Variants in MOV10L1 observed in about 807,000 individuals in gnomAD.
The protein encoded by MOV10L1 is RNA helicase Mov10l1.
A neutral mutation model predicts 143.8 loss-of-function variants in MOV10L1; 110 were observed. The ratio of observed to expected loss-of-function variants is 0.76; its 90% CI spans 0.66 to 0.90. MOV10L1 has a LOEUF of 0.90. MOV10L1 is among the 40% of genes least tolerant of loss of function. MOV10L1 has a pLI of 0.00. For synonymous variants in MOV10L1, 593 were observed against 581.1 expected (o/e 1.02, Z -0.29); for missense variants, 1,406 against 1,526.8 (o/e 0.92, Z 1.32).
chr22:50,108,568 T>A (rs1389867312), intron 4 of MOV10L1, 89 bp from the exon 5 acceptor site: 1 of 1,422,774 alleles, frequency 7.0e-7, no homozygotes, highest in African/African-American at 1.4e-5. Context: ...GCAGCTTGTG[T>A]GCTTTGGGCT....
At chr22:50,135,447 A>G (rs1318290283) in intron 15 of MOV10L1, among the ~76,000 whole-genome samples, 1 of 152,150 alleles carries the variant, frequency 6.6e-6, no homozygotes, top group Admixed American at 6.5e-5. Context: ...TGAATGTTGC[A>G]AAGATATTTT....
intron 15 of MOV10L1, 103 bp downstream of exon 15, chr22:50,134,733 G>A (rs2062774947): frequency 1.0e-6 from 1 of 968,648 alleles, no homozygotes; most frequent in Non-Finnish European, 1.6e-6. Context: ...TCTACACAGG[G>A]GATGGCTCAG....
chr22:50,119,177 A>C lies in MOV10L1; in HGVS notation c.1455-1325A>C, dbSNP rs564832431. 7.2e-5 allele frequency among the ~76,000 whole-genome samples: 11 copies of C among 152,286 alleles called. 1 individual carries two copies. In the South Asian group the frequency reaches 2.3e-3, roughly 32 times the overall value. ...AAGGATTTTAACCCCCTGGTCAGTT[A>C]CTTCCCCGTGAATATTAACATATTG... is the stretch of plus-strand genomic sequence containing the variant. On this transcript the variant is annotated intron_variant, in intron 9 of 26. Transcript: ENST00000262794.
In MOV10L1 at chr22:50,152,162, G is replaced by A. The variant is rs2063317416; in HGVS notation, c.2893-883G>A. Among the ~76,000 whole-genome samples the A allele has an allele frequency of 6.6e-6, 1 of 152,238 alleles. No individual in the cohort carries two copies. Among genetic ancestry groups the A allele is most frequent in the Admixed American group, 6.5e-5 (1 of 15,290 alleles). On this transcript the variant is annotated intron_variant, in intron 21 of 26. Coordinates refer to ENST00000262794, the MANE Select transcript of MOV10L1 (RefSeq NM_018995.3). The surrounding 1 kb of genome is among the most constrained non-coding windows in gnomAD (Gnocchi z 4.4). The stretch of plus-strand genomic sequence containing the variant: ...AACAGACAGCACTGCAGGAACACAG[G>A]TTTTCACCAACAGGGGCTTTGTTAA...
intron 15 of MOV10L1, among the ~76,000 whole-genome samples, chr22:50,137,426 G>A (rs2062849847): frequency 6.6e-6 from 1 of 152,134 alleles, no homozygotes; most frequent in Admixed American, 6.5e-5. Context: ...AAAAATTAGT[G>A]AACTTGAAGA....
intron 12 of MOV10L1, 104 bp downstream of exon 12, chr22:50,126,376 A>C (rs1269612964): frequency 9.7e-6 from 7 of 725,368 alleles, no homozygotes; most frequent in Admixed American, 5.8e-5. Context: ...TCCCATATGC[A>C]TTGGCTATTT....
chr22:50,160,939 C>G (rs1045835326), intron 25 of MOV10L1, 25 bp from the exon 26 acceptor site: 9 of 1,613,590 alleles, frequency 5.6e-6, no homozygotes, highest in Non-Finnish European at 6.8e-6. Context: ...TGCTCTCACA[C>G]CAGGCTAATT....
At chr22:50,105,202 A>G (rs916435716) in intron 3 of MOV10L1, among the ~76,000 whole-genome samples, 3 of 152,164 alleles carry the variant, frequency 2.0e-5, no homozygotes, top group Non-Finnish European at 4.4e-5. Flanking sequence ...ATTTTTTTCT[A>G]TTGAAATATA....
At chr22:50,117,114 C>T (rs753991063) in intron 8 of MOV10L1, 43 bp from the exon 9 acceptor site, 62 of 1,565,328 alleles carry the variant, frequency 4.0e-5, no homozygotes, top group Non-Finnish European at 5.3e-5. Flanking sequence ...GACTGCCTAT[C>T]TTATTTATGA....
intron 15 of MOV10L1, among the ~76,000 whole-genome samples, chr22:50,140,203 C>T (rs941267915): frequency 6.6e-6 from 1 of 152,214 alleles, no homozygotes; most frequent in Non-Finnish European, 1.5e-5. Flanking sequence ...ATGAATCACA[C>T]TGTGTGCATT....
At chr22:50,120,719 T>G in intron 10 of MOV10L1, 103 bp downstream of exon 10, 1 of 827,024 alleles carries the variant, frequency 1.2e-6, no homozygotes, top group Middle Eastern at 2.3e-4. Flanking sequence ...TTCATCTGGC[T>G]TGTTTTCTTC....
intron 13 of MOV10L1, 33 bp downstream of exon 13, chr22:50,128,540 CTTTTTTTTTT>C (rs36022529): frequency 1.6e-3 from 802 of 486,790 alleles, no homozygotes; most frequent in Admixed American, 2.9e-3. Context: ...TTTCAAATGT[CTTTTTTTTTT>C]TTTTTTTTTT....
chr22:50,123,072 G>T (rs1292250914), intron 10 of MOV10L1, among the ~76,000 whole-genome samples: 3 of 151,960 alleles, frequency 2.0e-5, no homozygotes, highest in African/African-American at 7.3e-5. Context: ...CTAGCTGGGT[G>T]TGATGGCATG....
intron 1 of MOV10L1, chr22:50,090,829 A>C (rs886336334): frequency 3.3e-6 from 1 of 301,654 alleles, no homozygotes; most frequent in African/African-American, 2.2e-5. Flanking sequence ...GGCACCCGCC[A>C]CCACGCCCGG....
chr22:50,128,041 G>A (rs952837079), intron 12 of MOV10L1, among the ~76,000 whole-genome samples: 2 of 152,112 alleles, frequency 1.3e-5, no homozygotes, highest in African/African-American at 4.8e-5. Flanking sequence ...CAAAGTGCTG[G>A]GATTACAGGT....
chr22:50,126,912 C>T (rs937095408), intron 12 of MOV10L1, among the ~76,000 whole-genome samples: 3 of 152,300 alleles, frequency 2.0e-5, no homozygotes, highest in Non-Finnish European at 1.5e-5. Flanking sequence ...AGGCAGCTTC[C>T]GACCTTTGAT....
rs1253309276 is a variant in MOV10L1 at position 50,160,797 on chromosome 22, T to A, written c.3434T>A (p.Val1145Glu). The change falls in exon 25 of 27, where the codon GTG becomes GAG. Residue 1145 changes from valine (V) to glutamate (E), a missense_variant. Transcript: ENST00000262794. ...ACCAGACCCAAAGCTTTGCTGATAGTGCTGGGAAACCCCCATGTTCTCGTT... is the reference window on the plus strand; with the variant it reads ...ACCAGACCCAAAGCTTTGCTGATAGAGCTGGGAAACCCCCATGTTCTCGTT... ...AITRPKALLI[V>E]LGNPHVLVRD... 6.2e-7 allele frequency: 1 copy of A among 1,614,080 alleles called. No individual in the cohort carries two copies. The highest frequency in any genetic ancestry group is 8.5e-7 in the Non-Finnish European group (1 of 1,180,008).
intron 8 of MOV10L1, among the ~76,000 whole-genome samples, chr22:50,116,319 C>T (rs978344269): frequency 7.9e-5 from 12 of 151,506 alleles, no homozygotes; most frequent in African/African-American, 2.7e-4. Flanking sequence ...TGGTGGCGGG[C>T]ACCTGTAGTC....
chr22:50,151,282 A>G (rs1479130284), intron 21 of MOV10L1, among the ~76,000 whole-genome samples: 1 of 152,186 alleles, frequency 6.6e-6, no homozygotes, highest in Non-Finnish European at 1.5e-5. Flanking sequence ...ATTCTGAGGG[A>G]TGGGCTTTGG....
Sources: allele counts gnomAD v4.1 joint callset (sites outside exome capture counted in the v4.1 genomes callset), GRCh38; gene constraint gnomAD v4.1.1; non-coding constraint Gnocchi (gnomAD v3.1); transcripts MANE v1.5; gene names NCBI Gene and HGNC (gene_info 2026-07-23, HGNC 2026-07-21).